KLHL32: variants seen among roughly 807,000 people sequenced by gnomAD.
KLHL32 encodes kelch-like protein 32.
KLHL32 carries 35 observed loss-of-function variants against 64.8 expected under a neutral mutation model. The observed-to-expected ratio is 0.54, with a 90% CI of 0.41 to 0.72. The LOEUF is 0.72. KLHL32 is among the 30% of genes least tolerant of loss of function. The pLI, the probability that KLHL32 is intolerant of heterozygous loss-of-function variation, is 0.00. For missense variants in KLHL32, 589 were observed against 768.5 expected, an observed-to-expected ratio of 0.77 and a Z score of 2.76; for synonymous variants, 259 against 281.0, an observed-to-expected ratio of 0.92 and a Z score of 0.78.
intron 10 of KLHL32, 117 bp from the exon 11 acceptor site, chr6:97,139,004 A>G: frequency 1.1e-6 from 1 of 906,788 alleles, no homozygotes. Context: ...AAGAATTCCT[A>G]AGATATGGTG....
In KLHL32 at chr6:97,030,609, T is replaced by C. The variant is rs937511441; in HGVS notation, c.205-10883T>C. Reference sequence around the variant, plus strand: ...GTGAACCAAGCATGAGTCTGTGCAATGCTTTCATATTTCTAAGCAGAACTT... The same window carrying C: ...GTGAACCAAGCATGAGTCTGTGCAACGCTTTCATATTTCTAAGCAGAACTT... On this transcript the variant is annotated intron_variant, in intron 3 of 10. Coordinates refer to ENST00000369261, the MANE Select transcript of KLHL32 (RefSeq NM_052904.4). Among the ~76,000 whole-genome samples, 5 of 152,206 alleles carry C rather than the reference T, an allele frequency of 3.3e-5. 1 individual carries two copies. The highest frequency in any genetic ancestry group is 2.6e-4 in the Admixed American group (4 of 15,284).
chr6:96,955,691 C>T (rs1372844155), intron 1 of KLHL32, among the ~76,000 whole-genome samples: 1 of 152,102 alleles, frequency 6.6e-6, no homozygotes, highest in Non-Finnish European at 1.5e-5. Flanking sequence ...AATCCCAGCA[C>T]TTTGGGAGGC....
chr6:97,129,570 C>T (rs1340203608), intron 8 of KLHL32, among the ~76,000 whole-genome samples: 3 of 152,126 alleles, frequency 2.0e-5, no homozygotes, highest in African/African-American at 4.8e-5. Flanking sequence ...TTTCACTATT[C>T]CCTAAAGTTA....
At chr6:96,966,248 G>T (rs1459497115) in intron 1 of KLHL32, among the ~76,000 whole-genome samples, 1 of 152,204 alleles carries the variant, frequency 6.6e-6, no homozygotes, top group Non-Finnish European at 1.5e-5. Context: ...ACTGAGGGTT[G>T]TAAAGTGTAG....
At chr6:97,055,795 C>CAAAAAAAAAA (rs1562286223) in intron 4 of KLHL32, among the ~76,000 whole-genome samples, 1 of 31,282 alleles carries the variant, frequency 3.2e-5, no homozygotes, top group Non-Finnish European at 4.9e-5. Flanking sequence ...GAGAACCTGT[C>CAAAAAAAAAA]TAAAAAAAAA....
the KLHL32 span, among the ~76,000 whole-genome samples, chr6:96,913,607 G>A: frequency 6.6e-6 from 1 of 152,222 alleles, no homozygotes; most frequent in African/African-American, 2.4e-5. Context: ...GTCTAGATGG[G>A]TCGGTAGGGA....
At chr6:96,899,307 G>T in the KLHL32 span, among the ~76,000 whole-genome samples, 1 of 152,110 alleles carries the variant, frequency 6.6e-6, no homozygotes, top group African/African-American at 2.4e-5. Flanking sequence ...GTGATTCAGG[G>T]CTTTTTAGGC....
intron 7 of KLHL32, among the ~76,000 whole-genome samples, chr6:97,118,501 C>A (rs377515152): frequency 1.3e-5 from 2 of 151,048 alleles, no homozygotes; most frequent in East Asian, 2.0e-4. Flanking sequence ...CGCCTGTAAT[C>A]GCAGCTACTT....
At chr6:96,918,840 A>T in the KLHL32 span, among the ~76,000 whole-genome samples, 3,024 of 152,336 alleles carry the variant, frequency 0.02, 105 homozygotes, top group African/African-American at 0.07. Context: ...GCAGGAGAGG[A>T]TATAGTAAAA....
At chr6:96,930,501 C>A (rs889137729) in intron 1 of KLHL32, among the ~76,000 whole-genome samples, 4 of 152,164 alleles carry the variant, frequency 2.6e-5, no homozygotes, top group African/African-American at 7.2e-5. Context: ...ATAGAAACAT[C>A]TAGTACATTG....
chr6:97,101,309 T>A (rs1583028753), intron 6 of KLHL32, among the ~76,000 whole-genome samples: 1 of 152,202 alleles, frequency 6.6e-6, no homozygotes, highest in African/African-American at 2.4e-5. Context: ...AGGCTTAAAC[T>A]TCCAGATTTG....
chr6:97,094,754 C>A (rs1290519200), intron 6 of KLHL32, among the ~76,000 whole-genome samples: 1 of 152,150 alleles, frequency 6.6e-6, no homozygotes, highest in East Asian at 1.9e-4. Context: ...GGAAGAGTTA[C>A]AAGTCAGTAT....
At chr6:97,091,541 T>G (rs553622881) in intron 6 of KLHL32, among the ~76,000 whole-genome samples, 1 of 152,298 alleles carries the variant, frequency 6.6e-6, no homozygotes, top group African/African-American at 2.4e-5. Flanking sequence ...GCTTTCCGCT[T>G]GCTGCTCTTT....
chr6:97,027,664 A>G (rs1314705830), intron 3 of KLHL32, among the ~76,000 whole-genome samples: 1 of 152,228 alleles, frequency 6.6e-6, no homozygotes, highest in Non-Finnish European at 1.5e-5. Context: ...TTCAAAGACC[A>G]TGTCCTTGAA....
chr6:96,947,312 T>TC (rs1772036131), intron 1 of KLHL32, among the ~76,000 whole-genome samples: 1 of 152,094 alleles, frequency 6.6e-6, no homozygotes, highest in Non-Finnish European at 1.5e-5. Flanking sequence ...TCTCTGAACC[T>TC]CCTCTGGTTC....
intron 3 of KLHL32, among the ~76,000 whole-genome samples, chr6:96,989,848 G>A (rs913916622): frequency 6.6e-6 from 1 of 151,998 alleles, no homozygotes; most frequent in East Asian, 1.9e-4. Flanking sequence ...TTCAAGCTCT[G>A]AGATTCTCTC....
chr6:96,921,880 A>C (rs535365430), upstream of KLHL32, among the ~76,000 whole-genome samples: 45 of 152,304 alleles, frequency 3.0e-4, no homozygotes, highest in Non-Finnish European at 5.7e-4. Flanking sequence ...ATAGATGAAA[A>C]AAATGCTGCA....
chr6:96,930,799 C>T (rs1268163531), intron 1 of KLHL32, among the ~76,000 whole-genome samples: 1 of 152,050 alleles, frequency 6.6e-6, no homozygotes, highest in African/African-American at 2.4e-5. Context: ...CTCTTTTATG[C>T]AGCTCCTGGA....
At chr6:96,967,425 G>GTATA (rs766082134) in intron 2 of KLHL32, among the ~76,000 whole-genome samples, 1 of 149,382 alleles carries the variant, frequency 6.7e-6, no homozygotes, top group African/African-American at 2.5e-5. Flanking sequence ...ATGTGTGTGT[G>GTATA]TATATATATA....
Sources: allele counts gnomAD v4.1 joint callset (sites outside exome capture counted in the v4.1 genomes callset), GRCh38; gene constraint gnomAD v4.1.1; transcripts MANE v1.5; gene names NCBI Gene and HGNC (gene_info 2026-07-23, HGNC 2026-07-21).